Variants in TMEM161B observed in about 807,000 individuals in gnomAD.
TMEM161B encodes the protein transmembrane protein 161B.
Under a neutral mutation model 61.8 loss-of-function variants are expected in TMEM161B, and 34 were observed. The ratio of observed to expected loss-of-function variants is 0.55; its 90% CI spans 0.42 to 0.73. The LOEUF (loss-of-function observed/expected upper bound fraction) is 0.73, where lower values mean the gene tolerates loss of function less well. Among genes scored for constraint, TMEM161B ranks in the 30% least tolerant of loss-of-function variants. The pLI is 0.00. For synonymous variants in TMEM161B, 167 were observed against 192.8 expected, an observed-to-expected ratio of 0.87 and a Z score of 1.11; for missense variants, 456 against 558.5, an observed-to-expected ratio of 0.82 and a Z score of 1.85.
chr5:88,263,051 A>C (rs1191649084), intron 1 of TMEM161B, among the ~76,000 whole-genome samples: 1 of 152,184 alleles, frequency 6.6e-6, no homozygotes, highest in Non-Finnish European at 1.5e-5. Context: ...ATTTATGGAA[A>C]GATTTATATA....
chr5:88,225,810 A>C lies in TMEM161B; in HGVS notation c.248T>G (p.Leu83Arg). ...KPLTIPKDID[L>R]HLETKSVTEV... ...TGTAACTGACTTTGTTTCTAGATGA[A>C]GGTCAATATCCTTTGGAATGGTTAA... The change falls in exon 4 of 12, where the codon CTT becomes CGT. Residue 83 changes from leucine to arginine, a missense_variant. Physicochemically the swap from Leu to Arg is moderately radical, Grantham distance 102. Around this residue, in one of 3 missense-constraint regions of TMEM161B, gnomAD observed 85 missense variants for 111.2 expected, o/e 0.76. Transcript: ENST00000296595. 1 of 1,611,454 alleles carries C rather than the reference A, an allele frequency of 6.2e-7. No individual in the cohort carries two copies. Among genetic ancestry groups the C allele is most frequent in the Non-Finnish European group, 8.5e-7 (1 of 1,178,802 alleles).
At chr5:88,211,393 G>A (rs986123206) in intron 5 of TMEM161B, among the ~76,000 whole-genome samples, 2 of 147,602 alleles carry the variant, frequency 1.4e-5, no homozygotes, top group South Asian at 2.2e-4. Context: ...AGACATCAAC[G>A]AGAAACAGGA....
intron 1 of TMEM161B, among the ~76,000 whole-genome samples, chr5:88,245,528 A>T (rs999017366): frequency 2.0e-5 from 3 of 151,980 alleles, no homozygotes; most frequent in African/African-American, 7.2e-5. Context: ...TAACAGCATT[A>T]CACGGAATCT....
chr5:88,257,219 T>G (rs1047200118), intron 1 of TMEM161B, among the ~76,000 whole-genome samples: 5 of 152,024 alleles, frequency 3.3e-5, no homozygotes, highest in African/African-American at 1.2e-4. Flanking sequence ...TGAGCTGAGA[T>G]CACACCACTC....
At chr5:88,198,721 T>C (rs1481719492) in intron 10 of TMEM161B, 1 of 341,278 alleles carries the variant, frequency 2.9e-6, no homozygotes, top group Non-Finnish European at 5.3e-6. Flanking sequence ...CATTTAGCAA[T>C]ATTAGGCATA....
chr5:88,205,714 T>C, intron 8 of TMEM161B, 100 bp downstream of exon 8: 1 of 1,377,866 alleles, frequency 7.3e-7, no homozygotes, highest in Non-Finnish European at 9.8e-7. Flanking sequence ...GGTTATTAAT[T>C]TTCAATACAA....
chr5:88,267,654 GC>G, intron 1 of TMEM161B, among the ~76,000 whole-genome samples: 1 of 152,192 alleles, frequency 6.6e-6, no homozygotes, highest in Admixed American at 6.5e-5. Context: ...GAAACCCCTT[GC>G]CCCCGTTTGT....
intron 4 of TMEM161B, among the ~76,000 whole-genome samples, chr5:88,220,945 C>T (rs551690905): frequency 3.9e-5 from 6 of 152,052 alleles, no homozygotes; most frequent in African/African-American, 7.2e-5. Context: ...TTAAAATAAA[C>T]GTTAAAAGAT....
chr5:88,187,812 T>A (rs1445796555), downstream of TMEM161B, among the ~76,000 whole-genome samples: 1 of 152,166 alleles, frequency 6.6e-6, no homozygotes, highest in Non-Finnish European at 1.5e-5. Context: ...ATTTCATTGG[T>A]TTTTGCTGAA....
chr5:88,207,675 A>G (rs1341184138), intron 5 of TMEM161B, among the ~76,000 whole-genome samples: 2 of 152,202 alleles, frequency 1.3e-5, no homozygotes, highest in Non-Finnish European at 2.9e-5. Flanking sequence ...CCAACTGAGT[A>G]TTCAAAAACA....
chr5:88,220,523 C>T (rs755739835), intron 5 of TMEM161B, 40 bp downstream of exon 5: 1 of 1,479,124 alleles, frequency 6.8e-7, no homozygotes, highest in Non-Finnish European at 9.0e-7. Context: ...ATGGTGTTAT[C>T]TGCAAAATAA....
At chr5:88,230,260 T>C (rs1750764624) in intron 2 of TMEM161B, among the ~76,000 whole-genome samples, 2 of 152,112 alleles carry the variant, frequency 1.3e-5, no homozygotes, top group South Asian at 4.2e-4. Flanking sequence ...CCACTGAATA[T>C]TTGATTACAT....
intron 2 of TMEM161B, among the ~76,000 whole-genome samples, chr5:88,229,855 G>T (rs1228131015): frequency 6.6e-6 from 1 of 151,164 alleles, no homozygotes; most frequent in Non-Finnish European, 1.5e-5. Flanking sequence ...CAAAATGCTG[G>T]GATTATAAGC....
chr5:88,204,711 G>T (rs1745105672), intron 8 of TMEM161B, among the ~76,000 whole-genome samples: 1 of 151,834 alleles, frequency 6.6e-6, no homozygotes, highest in Admixed American at 6.6e-5. Context: ...ACGGGTGGTG[G>T]GAGAAAGACG....
At position 88,199,102 on chromosome 5, in the gene TMEM161B, C is replaced by T. The variant is rs776615655; in HGVS notation, c.963G>A (p.Leu321=). 12 of 1,612,718 alleles carry T rather than the reference C, an allele frequency of 7.4e-6. No homozygotes were observed. The highest frequency in any genetic ancestry group is 1.6e-4 in the Middle Eastern group (1 of 6,078). The change falls in exon 10 of 12, where the codon CTG becomes CTA. Residue 321 remains leucine (L), a synonymous_variant. Coordinates refer to ENST00000296595, the MANE Select transcript of TMEM161B (RefSeq NM_153354.5). ...FDTLRLWLII[L]LCALRLAMMR... ...TCATGGCCAACCGCAAAGCACACAG[C>T]AGGATTATTAACCAGAGTCGCAGAG... is the stretch of plus-strand genomic sequence containing the variant.
chr5:88,241,225 T>C (rs1029718034), intron 1 of TMEM161B, among the ~76,000 whole-genome samples: 2 of 151,812 alleles, frequency 1.3e-5, no homozygotes, highest in East Asian at 1.9e-4. Flanking sequence ...TTCAAGTATA[T>C]AGGAGGACGT....
At chr5:88,186,161 A>G (rs1448171319), downstream of TMEM161B, among the ~76,000 whole-genome samples, 3 of 152,220 alleles carry the variant, frequency 2.0e-5, no homozygotes, top group African/African-American at 7.2e-5. Flanking sequence ...CTTTTACTAA[A>G]CATTTTATGT....
intron 8 of TMEM161B, among the ~76,000 whole-genome samples, chr5:88,205,552 T>C (rs904372418): frequency 6.6e-6 from 1 of 152,050 alleles, no homozygotes; most frequent in African/African-American, 2.4e-5. Flanking sequence ...GCCCCTGAAT[T>C]AGAAATAACA....
chr5:88,218,404 A>T (rs1416371455), intron 5 of TMEM161B, among the ~76,000 whole-genome samples: 2 of 152,194 alleles, frequency 1.3e-5, no homozygotes, highest in Admixed American at 1.3e-4. Context: ...GACCCTAAAT[A>T]AGGCACATCA....
Sources: allele counts gnomAD v4.1 joint callset (sites outside exome capture counted in the v4.1 genomes callset), GRCh38; gene constraint gnomAD v4.1.1; regional missense constraint gnomAD v4.1.1; transcripts MANE v1.5; gene names NCBI Gene and HGNC (gene_info 2026-07-23, HGNC 2026-07-21).